RAB8B: variants seen among roughly 807,000 people sequenced by gnomAD.
RAB8B encodes the protein ras-related protein Rab-8B.
Under a neutral mutation model 32.0 loss-of-function variants are expected in RAB8B, and 11 were observed. The observed-to-expected ratio is 0.34, with a 90% CI of 0.22 to 0.57. The LOEUF is 0.57. Ranked by LOEUF, RAB8B falls within the 20% of genes least tolerant of loss-of-function variation. RAB8B has a pLI of 0.86. For synonymous variants in RAB8B, 103 were observed against 89.6 expected (o/e 1.15, Z -0.85); for missense variants, 190 against 258.5 (o/e 0.73, Z 1.82).
rs573453347 is a variant in RAB8B at position 63,238,480 on chromosome 15, A to G, written c.125-6276A>G. ...TTCTTATTTTCTAGTTCTTAGCTGA[A>G]CACTACATGAAATTGCCTTCAGAGA... On this transcript the variant is annotated intron_variant, in intron 1 of 7. Coordinates refer to ENST00000321437, the MANE Select transcript of RAB8B (RefSeq NM_016530.3). Among the ~76,000 whole-genome samples, 5 of 152,250 alleles carry G rather than the reference A, an allele frequency of 3.3e-5. No individual in the cohort carries two copies. In the East Asian group the frequency reaches 9.7e-4, roughly 29 times the overall value.
At chr15:63,204,430 G>A (rs2037680373) in intron 1 of RAB8B, among the ~76,000 whole-genome samples, 2 of 152,050 alleles carry the variant, frequency 1.3e-5, no homozygotes, top group South Asian at 4.1e-4. Context: ...TTCCTACTTT[G>A]GGTGAAAACA....
At chr15:63,258,085 T>C (rs908602966) in intron 5 of RAB8B, among the ~76,000 whole-genome samples, 1 of 150,126 alleles carries the variant, frequency 6.7e-6, no homozygotes, top group Non-Finnish European at 1.5e-5. Context: ...AAAAAAGTAA[T>C]TAAAAGTAAG....
intron 1 of RAB8B, among the ~76,000 whole-genome samples, chr15:63,238,983 C>T (rs1396374333): frequency 1.3e-5 from 2 of 152,118 alleles, no homozygotes; most frequent in African/African-American, 4.8e-5. Flanking sequence ...CTCTTTTCTT[C>T]TGGTATTGCT....
intron 1 of RAB8B, among the ~76,000 whole-genome samples, chr15:63,219,004 ATTTTTTTTTTTTTTT>A (rs71131152): frequency 1.1e-5 from 1 of 94,670 alleles, no homozygotes; most frequent in African/African-American, 4.1e-5. Context: ...CCAGCAGTGG[ATTTTTTTTTTTTTTT>A]TTTTTTTTTT....
At chr15:63,213,426 C>T (rs978310340) in intron 1 of RAB8B, among the ~76,000 whole-genome samples, 5 of 152,140 alleles carry the variant, frequency 3.3e-5, no homozygotes, top group African/African-American at 1.2e-4. Flanking sequence ...AAAATCTGTA[C>T]TGGATAAAGA....
At chr15:63,218,929 C>G (rs1243888950) in intron 1 of RAB8B, among the ~76,000 whole-genome samples, 1 of 149,318 alleles carries the variant, frequency 6.7e-6, no homozygotes, top group Non-Finnish European at 1.5e-5. Flanking sequence ...CAGCTATATA[C>G]AAGACCCTGA....
intron 1 of RAB8B, among the ~76,000 whole-genome samples, chr15:63,225,839 T>A (rs2141124642): frequency 6.6e-6 from 1 of 152,276 alleles, no homozygotes; most frequent in East Asian, 1.9e-4. Flanking sequence ...TTTCCTTCTC[T>A]GTTTTATTTT....
chr15:63,226,752 T>C (rs983863481), intron 1 of RAB8B, among the ~76,000 whole-genome samples: 9 of 152,202 alleles, frequency 5.9e-5, no homozygotes, highest in African/African-American at 2.2e-4. Context: ...GGATCTCATG[T>C]AAGAAAGAAT....
intron 1 of RAB8B, among the ~76,000 whole-genome samples, chr15:63,193,497 A>G (rs1215076454): frequency 6.6e-6 from 1 of 152,174 alleles, no homozygotes; most frequent in Non-Finnish European, 1.5e-5. Flanking sequence ...TTGGCTCTAA[A>G]AACCCTTATG....
At position 63,249,658 on chromosome 15, in the gene RAB8B, C is replaced by T. The variant is rs745978202; in HGVS notation, c.199C>T (p.Gln67Ter). Residue 67 changes from glutamine (Q) to a stop codon, truncating the protein, a stop_gained, in exon 3 of 8, where the codon CAG (glutamine) becomes TAG (stop). Coordinates refer to ENST00000321437, the MANE Select transcript of RAB8B (RefSeq NM_016530.3). LOFTEE classifies it high-confidence loss of function. ...IKLQIWDTAG[Q>*]ERFRTITTAY... ...TTCATATTTTAGGGACACAGCGGGT[C>T]AGGAAAGATTCCGAACAATCACGAC... 6.2e-7 allele frequency: 1 copy of T among 1,613,826 alleles called. No individual in the cohort carries two copies. The highest frequency in any genetic ancestry group is 1.1e-5 in the South Asian group (1 of 91,024).
intron 1 of RAB8B, among the ~76,000 whole-genome samples, chr15:63,221,375 T>G (rs979845251): frequency 1.3e-5 from 2 of 152,158 alleles, no homozygotes; most frequent in Non-Finnish European, 2.9e-5. Context: ...CTATACTGTA[T>G]GTATTATGAT....
In RAB8B at chr15:63,259,295, A is replaced by G. The variant is rs1282711113; in HGVS notation, c.415-332A>G. On this transcript the variant is annotated intron_variant, in intron 5 of 7. Transcript: ENST00000321437. The surrounding 1 kb of genome is among the most constrained non-coding windows in gnomAD (Gnocchi z 4.4). ...CCACCACGCCCGGCTAATTTTTTGTATTTTTAGTAGAGGCGGGGTTTCATC... is the reference window on the plus strand; with the variant it reads ...CCACCACGCCCGGCTAATTTTTTGTGTTTTTAGTAGAGGCGGGGTTTCATC... Among the ~76,000 whole-genome samples the G allele has an allele frequency of 6.6e-6, 1 of 151,514 alleles. No individual in the cohort carries two copies. The highest frequency in any genetic ancestry group is 2.4e-5 in the African/African-American group (1 of 41,182).
In RAB8B at chr15:63,263,507, C is replaced by G. The variant is rs2038218610; in HGVS notation, c.532-20C>G. 2 of 1,573,068 alleles carry G rather than the reference C, an allele frequency of 1.3e-6. No individual in the cohort carries two copies. Among genetic ancestry groups the G allele is most frequent in the African/African-American group, 2.7e-5 (2 of 73,262 alleles). On this transcript the variant is annotated intron_variant, in intron 7 of 7. Coordinates refer to ENST00000321437, the MANE Select transcript of RAB8B (RefSeq NM_016530.3). ...CATGAAACTTTTATTTCCTTGGTAA[C>G]TTCATCTTCTATTTTTTAGAATGAC... is the stretch of plus-strand genomic sequence containing the variant.
chr15:63,199,705 C>T (rs1018521058), intron 1 of RAB8B, among the ~76,000 whole-genome samples: 45 of 151,334 alleles, frequency 3.0e-4, no homozygotes, highest in African/African-American at 1.1e-3. Flanking sequence ...ACTTTGTCAT[C>T]AGTCTGGAAT....
chr15:63,262,960 T>C (rs989095527), intron 7 of RAB8B, among the ~76,000 whole-genome samples: 1 of 152,158 alleles, frequency 6.6e-6, no homozygotes, highest in South Asian at 2.1e-4. Context: ...AAGTGATCTT[T>C]AATTGAATTT....
intron 1 of RAB8B, among the ~76,000 whole-genome samples, chr15:63,229,361 C>T (rs182949146): frequency 2.1e-3 from 315 of 152,278 alleles, no homozygotes; most frequent in Non-Finnish European, 3.5e-3. Flanking sequence ...TCTTCGGTAT[C>T]TTATGTGTCA....
In RAB8B at chr15:63,230,645, A is replaced by G. The variant is rs548205552; in HGVS notation, c.125-14111A>G. 4.6e-5 allele frequency among the ~76,000 whole-genome samples: 7 copies of G among 152,290 alleles called. No homozygotes were observed. The East Asian group carries it at 1.2e-3, about 25-fold the overall frequency. On this transcript the variant is annotated intron_variant, in intron 1 of 7. Transcript: ENST00000321437. ...AGAGAAAAGTCAGTGGGATAAGAGG[A>G]TGAGAGAAGGCAGAGGCAGGCCTGC...
chr15:63,243,041 GA>G (rs2038045162), intron 1 of RAB8B, among the ~76,000 whole-genome samples: 1 of 152,242 alleles, frequency 6.6e-6, no homozygotes, highest in Non-Finnish European at 1.5e-5. Context: ...CCTATCTGGG[GA>G]TGATAGAAGA....
intron 1 of RAB8B, among the ~76,000 whole-genome samples, chr15:63,207,756 G>A (rs559893819): frequency 6.6e-6 from 1 of 152,116 alleles, no homozygotes; most frequent in Admixed American, 6.5e-5. Flanking sequence ...AGTAGAGACG[G>A]GGTTTCACCA....
Sources: gnomAD v4.1 joint callset for allele counts (sites outside exome capture counted in the v4.1 genomes callset) on GRCh38, gnomAD v4.1.1 for gene constraint, Gnocchi (gnomAD v3.1) non-coding constraint, MANE v1.5 for transcripts, NCBI Gene and HGNC (gene_info 2026-07-23, HGNC 2026-07-21) for gene names.